IL26: variants seen among roughly 807,000 people sequenced by gnomAD.
The protein encoded by IL26 is interleukin 26.
A neutral mutation model predicts 21.7 loss-of-function variants in IL26; 23 were observed. The observed-to-expected ratio is 1.06, with a 90% confidence interval of 0.76 to 1.50. The LOEUF (loss-of-function observed/expected upper bound fraction) is 1.50, where lower values mean the gene tolerates loss of function less well. Ranked by LOEUF, IL26 falls within the 40% of genes most tolerant of loss-of-function variation. The pLI, the probability that IL26 is intolerant of heterozygous loss-of-function variation, is 0.00. For synonymous variants in IL26, 63 were observed against 67.8 expected (o/e 0.93, Z 0.34); for missense variants, 204 against 196.0 (o/e 1.04, Z -0.24).
rs73332727 is a variant in IL26, at chr12:68,219,267, G to C, written c.363+5882C>G. 7.9e-3 allele frequency among the ~76,000 whole-genome samples: 1,202 copies of C among 152,068 alleles called. 13 individuals carry two copies. Among genetic ancestry groups the C allele is most frequent in the African/African-American group, 0.027 (1,140 of 41,536 alleles). On this transcript the variant is annotated intron_variant, in intron 3 of 4. Transcript: ENST00000229134. ...TATACATAGAACATTTACCAAAATA[G>C]ACCAAATTCTGGGTTATGAAACATG...
At chr12:68,215,040 CA>C (rs11571022) in intron 3 of IL26, among the ~76,000 whole-genome samples, 2 of 151,668 alleles carry the variant, frequency 1.3e-5, no homozygotes, top group East Asian at 3.9e-4. Context: ...ACGAGGCTTA[CA>C]AAAAAACCTC....
intron 3 of IL26, among the ~76,000 whole-genome samples, chr12:68,205,489 G>T (rs146661666): frequency 6.6e-6 from 1 of 152,180 alleles, no homozygotes; most frequent in East Asian, 1.9e-4. Flanking sequence ...AAATCATAAG[G>T]AAGAGAAAAT....
In IL26 at chr12:68,210,338, C is replaced by CAAAAAAAAAAAAAA. The variant is rs540693081; in HGVS notation, c.364-8269_364-8256dup. Among the ~76,000 whole-genome samples the CAAAAAAAAAAAAAA allele has an allele frequency of 5.0e-4, 11 of 22,088 alleles. 2 individuals carry two copies. The highest frequency in any genetic ancestry group is 1.0e-3 in the Non-Finnish European group (10 of 9,866). The allele number at this position is 22,088 out of a possible 152,430, so 14.5% of individuals were successfully genotyped here. A position where few individuals can be genotyped will look rare whatever the true frequency, so the allele number is the denominator to read the frequency against. On this transcript the variant is annotated intron_variant, in intron 3 of 4. Transcript: ENST00000229134. ...ACTAAATAAATAAATATCAGTTTGG[C>CAAAAAAAAAAAAAA]AAAAAAAAAAAAAAAAAAAAAAAAA...
Position 68,205,220 on chromosome 12 carries a change from A to G in IL26, c.364-3137T>C, listed in dbSNP as rs140777386. ...TACAGCAATGCCTCTGCCATATAGCACTGATTTACTGTTGACAATGAATGA... is the reference window on the plus strand; with the variant it reads ...TACAGCAATGCCTCTGCCATATAGCGCTGATTTACTGTTGACAATGAATGA... On this transcript the variant is annotated intron_variant, in intron 3 of 4. Transcript: ENST00000229134. 2.5e-3 allele frequency among the ~76,000 whole-genome samples: 384 copies of G among 152,224 alleles called. 1 individual carries two copies. Among genetic ancestry groups the G allele is most frequent in the African/African-American group, 8.1e-3 (337 of 41,544 alleles).
chr12:68,205,319 G>A (rs914532212), intron 3 of IL26, among the ~76,000 whole-genome samples: 4 of 129,720 alleles, frequency 3.1e-5, no homozygotes, highest in African/African-American at 6.1e-5. Flanking sequence ...AAAAACCTGC[G>A]TAAAACATTA....
chr12:68,218,555 C>A (rs1868957361), intron 3 of IL26, among the ~76,000 whole-genome samples: 1 of 151,448 alleles, frequency 6.6e-6, no homozygotes, highest in African/African-American at 2.4e-5. Flanking sequence ...TGGGAAAAAA[C>A]AACCCACAGA....
chr12:68,224,112 C>T lies in IL26; in HGVS notation c.363+1037G>A, dbSNP rs1869154461. 5.3e-5 allele frequency among the ~76,000 whole-genome samples: 8 copies of T among 151,388 alleles called. No individual in the cohort carries two copies. In the South Asian group the frequency reaches 1.7e-3, roughly 32 times the overall value. ...CCCAGGATGAAGAGCTCCTTTCCAA[C>T]TGGCTTCCCAAGGATTGCAATAAGG... On this transcript the variant is annotated intron_variant, in intron 3 of 4. Coordinates refer to ENST00000229134, the MANE Select transcript of IL26 (RefSeq NM_018402.2).
chr12:68,220,167 C>T (rs1205374398), intron 3 of IL26, among the ~76,000 whole-genome samples: 2 of 152,044 alleles, frequency 1.3e-5, no homozygotes, highest in Non-Finnish European at 2.9e-5. Flanking sequence ...TATACTAACA[C>T]TTTCTGAAAA....
At chr12:68,225,337 T>A in intron 2 of IL26, 54 bp from the exon 3 acceptor site, 2 of 1,565,838 alleles carry the variant, frequency 1.3e-6, no homozygotes, top group African/African-American at 2.7e-5. Context: ...CGTTTTTTAA[T>A]GTCCCCCGAT....
chr12:68,205,292 G>A (rs1376955486), intron 3 of IL26, among the ~76,000 whole-genome samples: 3 of 98,042 alleles, frequency 3.1e-5, no homozygotes, highest in Non-Finnish European at 5.9e-5. Context: ...CTGACCCCCC[G>A]CCCCACCAAT....
chr12:68,207,636 G>A (rs1331446455), intron 3 of IL26, among the ~76,000 whole-genome samples: 1 of 152,098 alleles, frequency 6.6e-6, no homozygotes, highest in Non-Finnish European at 1.5e-5. Flanking sequence ...TTGGTAATGT[G>A]CAATTTACAT....
chr12:68,223,143 C>T (rs878945449), intron 3 of IL26, among the ~76,000 whole-genome samples: 1 of 152,168 alleles, frequency 6.6e-6, no homozygotes, highest in African/African-American at 2.4e-5. Flanking sequence ...CCAATCCTGC[C>T]GCTTTATGTT....
chr12:68,219,913 C>T (rs925596895), intron 3 of IL26, among the ~76,000 whole-genome samples: 1 of 151,838 alleles, frequency 6.6e-6, no homozygotes, highest in African/African-American at 2.4e-5. Flanking sequence ...ATATTAAAAG[C>T]ATATTAAGGA....
intron 3 of IL26, among the ~76,000 whole-genome samples, chr12:68,219,140 TTAA>T (rs1200620430): frequency 6.6e-6 from 1 of 151,662 alleles, no homozygotes; most frequent in East Asian, 1.9e-4. Flanking sequence ...TAGAAAAAAG[TTAA>T]TAAAGAGAGA....
intron 3 of IL26, among the ~76,000 whole-genome samples, chr12:68,216,500 C>A (rs1159605396): frequency 1.3e-5 from 2 of 152,206 alleles, no homozygotes; most frequent in African/African-American, 4.8e-5. Context: ...ATGCTAGGTA[C>A]TTAATTCTCC....
chr12:68,210,778 AAAG>A lies in IL26; in HGVS notation c.364-8698_364-8696del, dbSNP rs1868706254. On this transcript the variant is annotated intron_variant, in intron 3 of 4. Transcript: ENST00000229134. Reference sequence around the variant, plus strand: ...TGTTCCAACCATAGAAAAAAATTAGAAAGAGTTTTTTTAATACTTTAAATACAA... The same window carrying A: ...TGTTCCAACCATAGAAAAAAATTAGAAGTTTTTTTAATACTTTAAATACAA... 2.0e-5 allele frequency among the ~76,000 whole-genome samples: 3 copies of A among 152,096 alleles called. No individual in the cohort carries two copies. The South Asian group carries it at 6.2e-4, about 32-fold the overall frequency.
Position 68,201,685 on chromosome 12 carries a change from C to T in IL26, c.*160G>A, listed in dbSNP as rs565600537. ...AATTAGTGACAACTTATATCCAAAA[C>T]GTTAATTTACTAAATCCTTCTTGTC... On this transcript the variant is annotated 3_prime_UTR_variant, in exon 5 of 5. Coordinates refer to ENST00000229134, the MANE Select transcript of IL26 (RefSeq NM_018402.2). The T allele has an allele frequency of 2.9e-5, 14 of 477,564 alleles. No individual in the cohort carries two copies. Among genetic ancestry groups the T allele is most frequent in the African/African-American group, 6.0e-5 (3 of 50,088 alleles). The allele number at this position is 477,564 out of a possible 1,614,324, so 29.6% of individuals were successfully genotyped here.
rs1868405910 is a variant in IL26, at chr12:68,202,085, T to C, written c.364-2A>G. On this transcript the variant is annotated splice_acceptor_variant, in intron 3 of 4. Coordinates refer to ENST00000229134, the MANE Select transcript of IL26 (RefSeq NM_018402.2). LOFTEE classifies it high-confidence loss of function. ...TCTAGCTGATGAAGCACAGGAAATC[T>C]AAGAAATCAACAGTAATTACAGATA... The C allele has an allele frequency of 1.3e-6, 2 of 1,558,028 alleles. No homozygotes were observed. Among genetic ancestry groups the C allele is most frequent in the Non-Finnish European group, 1.8e-6 (2 of 1,140,802 alleles).
At chr12:68,212,899 T>A (rs1868773632) in intron 3 of IL26, among the ~76,000 whole-genome samples, 1 of 152,146 alleles carries the variant, frequency 6.6e-6, no homozygotes, top group African/African-American at 2.4e-5. Flanking sequence ...TCTTGATTAT[T>A]TGCTGTGACT....
Sources: allele counts gnomAD v4.1 joint callset (sites outside exome capture counted in the v4.1 genomes callset), GRCh38; gene constraint gnomAD v4.1.1; transcripts MANE v1.5; gene names NCBI Gene and HGNC (gene_info 2026-07-23, HGNC 2026-07-21).